The following SCHIP1 variants were observed in gnomAD, a reference collection of about 807,000 sequenced individuals.
SCHIP1 encodes the protein schwannomin interacting protein 1, also known as schwannomin-interacting protein 1.
Under a neutral mutation model 29.7 loss-of-function variants are expected in SCHIP1, and 8 were observed. That is an observed-to-expected ratio of 0.27 (90% CI 0.16 to 0.49). SCHIP1 has a LOEUF of 0.49. Ranked by LOEUF, SCHIP1 falls within the 20% of genes least tolerant of loss-of-function variation. SCHIP1 has a pLI of 0.99. For synonymous variants in SCHIP1, 76 were observed against 94.9 expected (o/e 0.80, Z 1.16); for missense variants, 193 against 294.6 (o/e 0.66, Z 2.52).
At chr3:159,604,166 C>T in the SCHIP1 span, among the ~76,000 whole-genome samples, 1 of 152,154 alleles carries the variant, frequency 6.6e-6, no homozygotes, top group Non-Finnish European at 1.5e-5. Flanking sequence ...AACTGTGACT[C>T]ATTTTTTGGC....
At chr3:159,432,335 TGTGTGAGAGA>T in the SCHIP1 span, among the ~76,000 whole-genome samples, 90 of 85,888 alleles carry the variant, frequency 1.0e-3, no homozygotes, top group Admixed American at 3.0e-3. Context: ...TGTGTGTGTG[TGTGTGAGAGA>T]GAGAGAGAGA....
the SCHIP1 span, among the ~76,000 whole-genome samples, chr3:159,276,719 A>G: frequency 2.6e-5 from 4 of 152,182 alleles, no homozygotes; most frequent in African/African-American, 9.7e-5. Flanking sequence ...TGCAAGATAT[A>G]CACATTGCTG....
chr3:159,660,263 C>T, the SCHIP1 span, among the ~76,000 whole-genome samples: 1,193 of 152,120 alleles, frequency 7.8e-3, 21 homozygotes, highest in African/African-American at 0.027. Context: ...AAGGAAGCTT[C>T]GAGTATAGAT....
At chr3:159,858,783 G>C (rs1207682239) in intron 1 of SCHIP1, among the ~76,000 whole-genome samples, 1 of 152,212 alleles carries the variant, frequency 6.6e-6, no homozygotes, top group Non-Finnish European at 1.5e-5. Flanking sequence ...TCCGAGGCCA[G>C]CTCTCTCGTG....
the SCHIP1 span, among the ~76,000 whole-genome samples, chr3:159,556,454 A>C: frequency 6.6e-6 from 1 of 152,094 alleles, no homozygotes; most frequent in African/African-American, 2.4e-5. Flanking sequence ...TGCTGCTATA[A>C]AGACACATGC....
At chr3:159,571,820 T>A in the SCHIP1 span, among the ~76,000 whole-genome samples, 1 of 152,236 alleles carries the variant, frequency 6.6e-6, no homozygotes, top group African/African-American at 2.4e-5. Context: ...TATTGGTCTA[T>A]TCAGAGATTC....
the SCHIP1 span, among the ~76,000 whole-genome samples, chr3:159,745,856 C>T: frequency 6.6e-6 from 1 of 152,068 alleles, no homozygotes; most frequent in East Asian, 1.9e-4. Flanking sequence ...TAGATTTTGC[C>T]TCTATATTTG....
chr3:159,390,164 C>T, the SCHIP1 span, among the ~76,000 whole-genome samples: 1,348 of 151,982 alleles, frequency 8.9e-3, 13 homozygotes, highest in African/African-American at 0.031. Context: ...TTAGAACAAA[C>T]TTTGATGTGA....
the SCHIP1 span, among the ~76,000 whole-genome samples, chr3:159,646,448 C>T: frequency 1.2e-3 from 181 of 152,212 alleles, 2 homozygotes; most frequent in African/African-American, 4.1e-3. Flanking sequence ...AGCTGTACTG[C>T]GGTCTGAGGC....
chr3:159,469,914 T>C, the SCHIP1 span, among the ~76,000 whole-genome samples: 3 of 152,290 alleles, frequency 2.0e-5, no homozygotes, highest in Middle Eastern at 3.4e-3. Context: ...ATACTAGCCA[T>C]GAGAATTCAA....
intron 1 of SCHIP1, chr3:159,853,196 G>A (rs988076773): frequency 5.8e-5 from 26 of 449,026 alleles, no homozygotes; most frequent in Non-Finnish European, 1.0e-4. Context: ...GAAAGGCCAG[G>A]GAGGCTGGGC....
the SCHIP1 span, among the ~76,000 whole-genome samples, chr3:159,646,864 G>A: frequency 6.6e-6 from 1 of 151,990 alleles, no homozygotes; most frequent in Non-Finnish European, 1.5e-5. Context: ...TCAAGGCTGA[G>A]GAGGAAAATA....
At chr3:159,818,489 T>G in the SCHIP1 span, among the ~76,000 whole-genome samples, 2 of 152,186 alleles carry the variant, frequency 1.3e-5, no homozygotes, top group Non-Finnish European at 2.9e-5. Context: ...GAAGGGGCAG[T>G]GTGGAGCCGT....
the SCHIP1 span, among the ~76,000 whole-genome samples, chr3:159,427,803 G>A: frequency 6.6e-6 from 1 of 152,000 alleles, no homozygotes; most frequent in Non-Finnish European, 1.5e-5. Flanking sequence ...TATACTACAA[G>A]GCTACAGTAA....
chr3:159,549,685 G>A, the SCHIP1 span, among the ~76,000 whole-genome samples: 1 of 152,088 alleles, frequency 6.6e-6, no homozygotes, highest in Non-Finnish European at 1.5e-5. Flanking sequence ...TGTTGTATAA[G>A]CCACCCAATC....
chr3:159,856,162 A>G (rs1713336552), intron 1 of SCHIP1, among the ~76,000 whole-genome samples: 2 of 152,142 alleles, frequency 1.3e-5, no homozygotes, highest in Non-Finnish European at 2.9e-5. Flanking sequence ...TTCAGGACCA[A>G]CGTGGTATGC....
At chr3:159,690,710 C>G in the SCHIP1 span, among the ~76,000 whole-genome samples, 1 of 152,198 alleles carries the variant, frequency 6.6e-6, no homozygotes. Context: ...TTAGATCTCT[C>G]CTGCTTTCTC....
the SCHIP1 span, among the ~76,000 whole-genome samples, chr3:159,667,809 C>T: frequency 3.9e-5 from 6 of 152,352 alleles, 1 homozygote; most frequent in Middle Eastern, 0.014. Context: ...TACATCACAT[C>T]CCAGTACACA....
At chr3:159,563,109 C>G in the SCHIP1 span, among the ~76,000 whole-genome samples, 1 of 152,182 alleles carries the variant, frequency 6.6e-6, no homozygotes, top group East Asian at 1.9e-4. Flanking sequence ...AAAAAGAGGA[C>G]TGCATCTGCA....
Sources: gnomAD v4.1 joint callset for allele counts (sites outside exome capture counted in the v4.1 genomes callset) on GRCh38, gnomAD v4.1.1 for gene constraint, MANE v1.5 for transcripts, NCBI Gene and HGNC (gene_info 2026-07-23, HGNC 2026-07-21) for gene names.